MBTPS1: variants seen among roughly 807,000 people sequenced by gnomAD.
The protein encoded by MBTPS1 is membrane bound transcription factor peptidase, site 1.
A neutral mutation model predicts 127.8 loss-of-function variants in MBTPS1; 94 were observed. The observed-to-expected ratio is 0.74, with a 90% CI of 0.62 to 0.87. MBTPS1 has a LOEUF of 0.87. Ranked by LOEUF, MBTPS1 falls within the 40% of genes least tolerant of loss-of-function variation. The probability of loss-of-function intolerance (pLI) is 0.00; values close to 1 mark genes in which losing one functional copy is unlikely to be tolerated. For synonymous variants in MBTPS1, 632 were observed against 509.4 expected (o/e 1.24, Z -3.24); for missense variants, 1,636 against 1,353.2 (o/e 1.21, Z -3.28).
intron 1 of MBTPS1, among the ~76,000 whole-genome samples, chr16:84,103,229 G>T (rs2086280863): frequency 6.6e-6 from 1 of 151,588 alleles, no homozygotes; most frequent in Admixed American, 6.6e-5. Context: ...GCCTTCCAGT[G>T]CTACTTAGGA....
rs980416473 is a variant in MBTPS1 at position 84,099,093 on chromosome 16, C to T, written c.381G>A (p.Thr127=). ...GGGAACGAAAGACTTTTCGTTGGGGCGTGACCCGTTTGATGTTTGGATGAT... is the reference window on the plus strand; with the variant it reads ...GGGAACGAAAGACTTTTCGTTGGGGTGTGACCCGTTTGATGTTTGGATGAT... The part of the protein sequence containing the change: ...LEDHPNIKRV[T]PQRKVFRSLK... Residue 127 remains threonine (T), a synonymous_variant, in exon 3 of 23, where the codon ACG becomes ACA. Coordinates refer to ENST00000343411, the MANE Select transcript of MBTPS1 (RefSeq NM_003791.4). 5.6e-6 allele frequency: 9 copies of T among 1,614,032 alleles called. No homozygotes were observed. The highest frequency in any genetic ancestry group is 7.6e-6 in the Non-Finnish European group (9 of 1,180,052).
At chr16:84,085,867 A>C (rs947678025) in intron 9 of MBTPS1, 30 of 152,164 alleles carry the variant, frequency 2.0e-4, no homozygotes, top group Non-Finnish European at 3.5e-4. Context: ...AAAAAACCCA[A>C]ACATGTTTCT....
At chr16:84,075,804 G>C (rs2085847423) in intron 11 of MBTPS1, 1 of 152,182 alleles carries the variant, frequency 6.6e-6, no homozygotes, top group Non-Finnish European at 1.5e-5. Context: ...TCACAGTTAA[G>C]TTATCTCAAC....
intron 18 of MBTPS1, among the ~76,000 whole-genome samples, chr16:84,065,038 A>G (rs1239627530): frequency 6.6e-6 from 1 of 152,234 alleles, no homozygotes; most frequent in Admixed American, 6.5e-5. Context: ...TCATTTTTCT[A>G]AAACCTTGGT....
At chr16:84,107,624 G>A (rs1214227322) in intron 1 of MBTPS1, among the ~76,000 whole-genome samples, 2 of 152,008 alleles carry the variant, frequency 1.3e-5, no homozygotes, top group Non-Finnish European at 2.9e-5. Context: ...ATGCCATAAC[G>A]GGGGCAAGAG....
intron 4 of MBTPS1, among the ~76,000 whole-genome samples, chr16:84,094,049 G>A (rs886367975): frequency 6.6e-6 from 1 of 152,130 alleles, no homozygotes; most frequent in African/African-American, 2.4e-5. Flanking sequence ...CGCCAAATAA[G>A]ATTTAAGGAT....
intron 10 of MBTPS1, 57 bp downstream of exon 10, chr16:84,084,926 C>T (rs1597330427): frequency 6.4e-7 from 1 of 1,571,260 alleles, no homozygotes; most frequent in Admixed American, 1.8e-5. Flanking sequence ...GCTCTGCTGG[C>T]ACCGAGTGCT....
intron 13 of MBTPS1, 122 bp downstream of exon 13, chr16:84,070,466 T>G: frequency 1.0e-6 from 1 of 974,756 alleles, no homozygotes; most frequent in Non-Finnish European, 1.5e-6. Context: ...ATTGTGGCCA[T>G]CGAGGATAAG....
At chr16:84,073,960 C>T (rs910739342) in intron 12 of MBTPS1, among the ~76,000 whole-genome samples, 1 of 151,876 alleles carries the variant, frequency 6.6e-6, no homozygotes, top group Non-Finnish European at 1.5e-5. Context: ...GAGCCAAGAT[C>T]ATGCCATTGC....
chr16:84,112,661 CAAAAAAAACA>C (rs1463190655), intron 1 of MBTPS1, among the ~76,000 whole-genome samples: 4 of 92,538 alleles, frequency 4.3e-5, no homozygotes, highest in African/African-American at 1.4e-4. Flanking sequence ...GACTCGGTCT[CAAAAAAAACA>C]AAAAAAAACA....
At chr16:84,116,498 T>C (rs1039108408) in intron 1 of MBTPS1, among the ~76,000 whole-genome samples, 17 of 152,180 alleles carry the variant, frequency 1.1e-4, no homozygotes, top group African/African-American at 3.9e-4. Context: ...TCATTTCACG[T>C]AAAGAAAACC....
At chr16:84,071,277 C>T (rs2085766437) in intron 12 of MBTPS1, among the ~76,000 whole-genome samples, 1 of 152,228 alleles carries the variant, frequency 6.6e-6, no homozygotes, top group Non-Finnish European at 1.5e-5. Context: ...CACCCTTCTA[C>T]CCTCCAGGTG....
chr16:84,080,330 C>T (rs1323260686), intron 11 of MBTPS1, among the ~76,000 whole-genome samples: 2 of 152,196 alleles, frequency 1.3e-5, no homozygotes, highest in Non-Finnish European at 2.9e-5. Context: ...TCAAAGTTGT[C>T]AGGAGTAATC....
At chr16:84,096,534 C>A (rs549634592) in intron 3 of MBTPS1, among the ~76,000 whole-genome samples, 6 of 152,268 alleles carry the variant, frequency 3.9e-5, no homozygotes, top group Admixed American at 1.3e-4. Context: ...CAGAAATGGC[C>A]TAAGGGTTTT....
intron 2 of MBTPS1, among the ~76,000 whole-genome samples, chr16:84,100,126 T>C (rs1033691377): frequency 7.2e-5 from 11 of 152,176 alleles, no homozygotes; most frequent in African/African-American, 2.7e-4. Context: ...AGAATCAAGG[T>C]GTAGGCTGGG....
At chr16:84,100,499 G>A (rs1480949587) in intron 2 of MBTPS1, among the ~76,000 whole-genome samples, 1 of 151,764 alleles carries the variant, frequency 6.6e-6, no homozygotes, top group Non-Finnish European at 1.5e-5. Flanking sequence ...AGCTGAGATG[G>A]TGCCATTGCA....
intron 1 of MBTPS1, among the ~76,000 whole-genome samples, chr16:84,115,669 G>C (rs1361737756): frequency 6.6e-6 from 1 of 152,208 alleles, no homozygotes; most frequent in Non-Finnish European, 1.5e-5. Context: ...ATACGAAATA[G>C]TCATTAAAGG....
At chr16:84,059,141 C>T (rs999440844) in intron 21 of MBTPS1, among the ~76,000 whole-genome samples, 161 bp downstream of exon 21, 3 of 152,176 alleles carry the variant, frequency 2.0e-5, no homozygotes, top group African/African-American at 7.2e-5. Flanking sequence ...AGCCTATTTC[C>T]AAAGGCCAAT....
intron 1 of MBTPS1, among the ~76,000 whole-genome samples, chr16:84,105,859 A>G (rs1205260655): frequency 6.6e-6 from 1 of 152,202 alleles, no homozygotes; most frequent in Non-Finnish European, 1.5e-5. Flanking sequence ...GCACTGTTCT[A>G]GGAGTAGGGA....
Sources: allele counts gnomAD v4.1 joint callset (sites outside exome capture counted in the v4.1 genomes callset), GRCh38; gene constraint gnomAD v4.1.1; transcripts MANE v1.5; gene names NCBI Gene and HGNC (gene_info 2026-07-23, HGNC 2026-07-21).